Variants in ACOXL observed in about 807,000 individuals in gnomAD.
The protein encoded by ACOXL is acyl-CoA oxidase like.
Under a neutral mutation model 71.9 loss-of-function variants are expected in ACOXL, and 70 were observed. The observed-to-expected ratio is 0.97, with a 90% confidence interval of 0.80 to 1.19. ACOXL has a LOEUF of 1.19. Ranked by LOEUF, ACOXL falls within the 50% of genes most tolerant of loss-of-function variation. ACOXL has a pLI of 0.00. For synonymous variants in ACOXL, 253 were observed against 281.6 expected (o/e 0.90, Z 1.02); for missense variants, 703 against 736.3 (o/e 0.95, Z 0.52).
At position 110,777,469 on chromosome 2, in the gene ACOXL, C is replaced by G. The variant is rs186314721; in HGVS notation, c.76-7263C>G. On this transcript the variant is annotated intron_variant, in intron 2 of 17. Coordinates refer to ENST00000439055, the MANE Select transcript of ACOXL (RefSeq NM_001142807.4). ...GAGAAAAGGTAACTTGTCTAAAGTT[C>G]ATAGTAAATGAAGCAGAGGCAGGAT... is the stretch of plus-strand genomic sequence containing the variant. Among the ~76,000 whole-genome samples the G allele has an allele frequency of 3.4e-3, 519 of 152,308 alleles. 6 individuals carry two copies. The highest frequency in any genetic ancestry group is 0.012 in the African/African-American group (492 of 41,558).
At chr2:110,784,889 C>G (rs1683767899) in intron 3 of ACOXL, 74 bp downstream of exon 3, 9 of 1,400,348 alleles carry the variant, frequency 6.4e-6, no homozygotes, top group Non-Finnish European at 8.8e-6. Context: ...AACTATAACC[C>G]CGTGAGCTCT....
At chr2:111,081,400 A>G (rs1474694162) in intron 16 of ACOXL, among the ~76,000 whole-genome samples, 2 of 152,244 alleles carry the variant, frequency 1.3e-5, no homozygotes, top group Non-Finnish European at 2.9e-5. Context: ...GAGCCAAATC[A>G]TGAGTGAACT....
chr2:110,933,408 A>G, intron 11 of ACOXL, 81 bp from the exon 12 acceptor site: 9 of 1,490,020 alleles, frequency 6.0e-6, no homozygotes, highest in Non-Finnish European at 8.2e-6. Context: ...ATAGCGTTAT[A>G]GCACTTCACA....
chr2:110,749,229 T>G (rs1362601731), intron 1 of ACOXL, among the ~76,000 whole-genome samples: 2 of 152,236 alleles, frequency 1.3e-5, no homozygotes, highest in East Asian at 3.8e-4. Context: ...TGTTTCAGCT[T>G]TTTGTTTTCA....
At chr2:110,994,920 T>A (rs2063323901) in intron 13 of ACOXL, among the ~76,000 whole-genome samples, 1 of 152,154 alleles carries the variant, frequency 6.6e-6, no homozygotes, top group Admixed American at 6.5e-5. Context: ...TTGAGCAAGT[T>A]ACCAAATCTT....
chr2:111,065,670 G>A (rs2067034364), intron 16 of ACOXL, among the ~76,000 whole-genome samples: 3 of 152,154 alleles, frequency 2.0e-5, no homozygotes, highest in Admixed American at 2.0e-4. Flanking sequence ...ATGTAAACAG[G>A]TTTTTAAAAA....
chr2:110,976,169 G>C (rs1401770405), intron 12 of ACOXL, among the ~76,000 whole-genome samples: 2 of 152,172 alleles, frequency 1.3e-5, no homozygotes, highest in Non-Finnish European at 2.9e-5. Flanking sequence ...AAAAACGTGG[G>C]ATTATTTACC....
chr2:110,854,741 AG>A (rs1693038479), intron 10 of ACOXL, among the ~76,000 whole-genome samples: 1 of 152,202 alleles, frequency 6.6e-6, no homozygotes, highest in Non-Finnish European at 1.5e-5. Flanking sequence ...AACCCAAGGG[AG>A]AGGTGGCCCT....
At chr2:110,906,431 C>G (rs1048559303) in intron 10 of ACOXL, among the ~76,000 whole-genome samples, 1 of 150,054 alleles carries the variant, frequency 6.7e-6, no homozygotes, top group African/African-American at 2.5e-5. Flanking sequence ...CCCAGCTACT[C>G]GGGAGGCTGA....
chr2:111,102,023 C>T (rs149344357), intron 17 of ACOXL: 1 of 152,800 alleles, frequency 6.5e-6, no homozygotes, highest in African/African-American at 2.4e-5. Flanking sequence ...CAGCAGGGAC[C>T]AACTAGAATG....
intron 17 of ACOXL, among the ~76,000 whole-genome samples, chr2:111,114,463 C>T (rs1172029138): frequency 6.6e-6 from 1 of 152,152 alleles, no homozygotes; most frequent in Non-Finnish European, 1.5e-5. Context: ...AAAGACTCTA[C>T]CAAGGTAGCC....
Position 111,036,662 on chromosome 2 carries a change from G to C in ACOXL, c.1369+4948G>C, listed in dbSNP as rs1402039308. ...TCACCATTTCAGAGAGTGTGTGATG[G>C]CTGGGAGCAGCCTGGGGAGTCGAGG... On this transcript the variant is annotated intron_variant, in intron 15 of 17. Coordinates refer to ENST00000439055, the MANE Select transcript of ACOXL (RefSeq NM_001142807.4). The C allele has an allele frequency of 2.6e-5, 4 of 152,390 alleles. No individual in the cohort carries two copies. The East Asian group carries it at 7.7e-4, about 29-fold the overall frequency. The allele number at this position is 152,390 out of a possible 1,614,324, so 9.4% of individuals were successfully genotyped here.
chr2:110,790,987 C>T (rs574432503), intron 3 of ACOXL, among the ~76,000 whole-genome samples: 3 of 152,378 alleles, frequency 2.0e-5, no homozygotes, highest in African/African-American at 7.2e-5. Flanking sequence ...CCCTCTACTT[C>T]CCCACTTCCC....
At chr2:110,851,564 C>T (rs1692601884) in intron 10 of ACOXL, among the ~76,000 whole-genome samples, 1 of 152,214 alleles carries the variant, frequency 6.6e-6, no homozygotes, top group African/African-American at 2.4e-5. Context: ...GTCAGGTCTT[C>T]CATCAGCTCT....
At chr2:110,987,398 T>G (rs1038987191) in intron 13 of ACOXL, among the ~76,000 whole-genome samples, 181 bp downstream of exon 13, 3 of 152,236 alleles carry the variant, frequency 2.0e-5, no homozygotes, top group Non-Finnish European at 4.4e-5. Context: ...ACTAAAACAT[T>G]GCTCATTCTG....
intron 10 of ACOXL, among the ~76,000 whole-genome samples, chr2:110,900,675 A>C (rs2059199386): frequency 6.6e-6 from 1 of 152,212 alleles, no homozygotes; most frequent in South Asian, 2.1e-4. Flanking sequence ...AGGCAGCATG[A>C]GTCACTAGAG....
At chr2:110,894,332 CAA>C (rs11403220) in intron 10 of ACOXL, among the ~76,000 whole-genome samples, 6 of 120,576 alleles carry the variant, frequency 5.0e-5, no homozygotes, top group Non-Finnish European at 7.0e-5. Context: ...AGGAACAGAC[CAA>C]AAAAAAAAAA....
chr2:110,972,199 C>T (rs1017689069), intron 12 of ACOXL, among the ~76,000 whole-genome samples: 15 of 152,136 alleles, frequency 9.9e-5, no homozygotes, highest in Non-Finnish European at 2.2e-4. Context: ...AGGCTGAGCA[C>T]CTGGTTGGGA....
chr2:110,760,433 C>T (rs73956432), intron 1 of ACOXL, among the ~76,000 whole-genome samples: 1,870 of 152,278 alleles, frequency 0.012, 43 homozygotes, highest in African/African-American at 0.043. Context: ...CGTGAGCCAC[C>T]GCACCCAGCC....
Sources: allele counts gnomAD v4.1 joint callset (sites outside exome capture counted in the v4.1 genomes callset), GRCh38; gene constraint gnomAD v4.1.1; transcripts MANE v1.5; gene names NCBI Gene and HGNC (gene_info 2026-07-23, HGNC 2026-07-21).